The following NAALADL2 variants were observed in gnomAD, a reference collection of about 807,000 sequenced individuals.
The protein encoded by NAALADL2 is N-acetylated alpha-linked acidic dipeptidase like 2.
NAALADL2 carries 76 observed loss-of-function variants against 87.2 expected under a neutral mutation model. The observed-to-expected ratio is 0.87, with a 90% CI of 0.72 to 1.05. NAALADL2 has a LOEUF of 1.05. Ranked by LOEUF, NAALADL2 falls within the 50% of genes least tolerant of loss-of-function variation. The pLI, the probability that NAALADL2 is intolerant of heterozygous loss-of-function variation, is 0.00. For missense variants in NAALADL2, 1,089 were observed against 945.8 expected (o/e 1.15, Z -1.99); for synonymous variants, 354 against 331.0 (o/e 1.07, Z -0.75).
chr3:175,211,706 A>G (rs73043302), intron 2 of NAALADL2, among the ~76,000 whole-genome samples: 27 of 152,138 alleles, frequency 1.8e-4, no homozygotes, highest in African/African-American at 6.3e-4. Flanking sequence ...GTGTTTAAAT[A>G]TATGGGACTT....
chr3:175,228,831 T>C (rs1240694106), intron 2 of NAALADL2, among the ~76,000 whole-genome samples: 1 of 151,868 alleles, frequency 6.6e-6, no homozygotes, highest in East Asian at 1.9e-4. Flanking sequence ...AAATCAGAAG[T>C]GATAGTTGAA....
intron 1 of NAALADL2, among the ~76,000 whole-genome samples, chr3:174,874,844 A>G (rs564139046): frequency 1.3e-5 from 2 of 152,158 alleles, no homozygotes; most frequent in Admixed American, 6.6e-5. Flanking sequence ...AATTCATGAT[A>G]GATGCTCACA....
chr3:174,594,268 T>A (rs1420377755), intron 2 of NAALADL2, among the ~76,000 whole-genome samples: 2 of 152,142 alleles, frequency 1.3e-5, no homozygotes, highest in Non-Finnish European at 2.9e-5. Context: ...GGTGAAGTGG[T>A]TGGAACATGG....
At chr3:175,617,458 C>T (rs763048696) in intron 10 of NAALADL2, among the ~76,000 whole-genome samples, 1 of 152,194 alleles carries the variant, frequency 6.6e-6, no homozygotes, top group South Asian at 2.1e-4. Flanking sequence ...GTGGAGGCGG[C>T]TTCCTCATGC....
rs150869125 is a variant in NAALADL2, at chr3:175,317,548, T to A, written c.940-6627T>A. Among the ~76,000 whole-genome samples the A allele has an allele frequency of 3.9e-5, 6 of 152,118 alleles. No homozygotes were observed. The East Asian group carries it at 1.2e-3, about 30-fold the overall frequency. ...TGGTAAACTGAACTTCCTTAGATGT[T>A]CACAGACCTTGTCCTACTTCTCTCC... On this transcript the variant is annotated intron_variant, in intron 4 of 13. Coordinates refer to ENST00000454872, the MANE Select transcript of NAALADL2 (RefSeq NM_207015.3).
intron 2 of NAALADL2, among the ~76,000 whole-genome samples, chr3:175,211,155 G>T (rs554839034): frequency 6.6e-6 from 1 of 151,846 alleles, no homozygotes; most frequent in South Asian, 2.1e-4. Context: ...ATGAGAGAAG[G>T]TGGGGGCATT....
chr3:175,617,252 A>G (rs901081481), intron 10 of NAALADL2, among the ~76,000 whole-genome samples: 1 of 152,184 alleles, frequency 6.6e-6, no homozygotes, highest in African/African-American at 2.4e-5. Flanking sequence ...GAGGAAGTCC[A>G]CCTTCCTTCC....
intron 1 of NAALADL2, among the ~76,000 whole-genome samples, chr3:174,464,756 A>T (rs1716419358): frequency 6.6e-6 from 1 of 152,002 alleles, no homozygotes; most frequent in South Asian, 2.1e-4. Flanking sequence ...TTTATATTTT[A>T]TTAGATTAAA....
intron 5 of NAALADL2, among the ~76,000 whole-genome samples, chr3:175,383,172 TTG>T (rs1441705519): frequency 1.3e-5 from 2 of 152,168 alleles, no homozygotes; most frequent in East Asian, 3.9e-4. Flanking sequence ...TATCATTCCT[TTG>T]TGTTAGGAGG....
Position 175,154,277 on chromosome 3 carries a change from G to A in NAALADL2, c.545+56986G>A, listed in dbSNP as rs183318003. 2.6e-5 allele frequency among the ~76,000 whole-genome samples: 4 copies of A among 152,066 alleles called. No homozygotes were observed. In the East Asian group the frequency reaches 7.7e-4, roughly 29 times the overall value. On this transcript the variant is annotated intron_variant, in intron 2 of 13. Coordinates refer to ENST00000454872, the MANE Select transcript of NAALADL2 (RefSeq NM_207015.3). ...ATCATTTCTGTTGCATTATCCTACT[G>A]GACTATGAAGATTGAGCCGATTAAT... is the stretch of plus-strand genomic sequence containing the variant.
At chr3:174,897,605 T>G (rs1033317246) in intron 1 of NAALADL2, among the ~76,000 whole-genome samples, 14 of 152,192 alleles carry the variant, frequency 9.2e-5, no homozygotes, top group Non-Finnish European at 1.5e-5. Flanking sequence ...GAGAACAGTT[T>G]GGAGGTTCCT....
At chr3:175,266,392 A>C (rs1368628968) in intron 4 of NAALADL2, among the ~76,000 whole-genome samples, 4 of 151,590 alleles carry the variant, frequency 2.6e-5, no homozygotes, top group African/African-American at 9.7e-5. Context: ...ATAATCTAGA[A>C]ATATACATAG....
At chr3:175,199,593 G>A (rs1373529324) in intron 2 of NAALADL2, among the ~76,000 whole-genome samples, 1 of 151,508 alleles carries the variant, frequency 6.6e-6, no homozygotes, top group Non-Finnish European at 1.5e-5. Context: ...TTACGTGAAT[G>A]ACTGGATGAA....
intron 4 of NAALADL2, among the ~76,000 whole-genome samples, chr3:175,270,680 T>C (rs2110003633): frequency 6.6e-6 from 1 of 152,324 alleles, no homozygotes. Context: ...TTCATAAGAA[T>C]CGTCTTAGGG....
At chr3:174,854,194 T>C (rs1208595716) in intron 3 of NAALADL2, among the ~76,000 whole-genome samples, 1 of 152,200 alleles carries the variant, frequency 6.6e-6, no homozygotes, top group Non-Finnish European at 1.5e-5. Flanking sequence ...AGAGTATTAT[T>C]CAACCATAAA....
At chr3:175,628,609 C>CTATGTGTG (rs10663163) in intron 11 of NAALADL2, among the ~76,000 whole-genome samples, 4 of 132,238 alleles carry the variant, frequency 3.0e-5, no homozygotes, top group African/African-American at 8.7e-5. Context: ...AATAATCTCT[C>CTATGTGTG]TCTCTATGTA....
chr3:174,783,045 C>A (rs988811680), intron 3 of NAALADL2, among the ~76,000 whole-genome samples: 2 of 152,064 alleles, frequency 1.3e-5, no homozygotes, highest in African/African-American at 4.8e-5. Context: ...TAGGTTGCAT[C>A]CATATTCCAT....
At chr3:174,535,218 G>T (rs1303526621) in intron 1 of NAALADL2, among the ~76,000 whole-genome samples, 1 of 152,114 alleles carries the variant, frequency 6.6e-6, no homozygotes, top group Non-Finnish European at 1.5e-5. Flanking sequence ...GACTGAAATG[G>T]TGCTCACTGC....
At chr3:174,876,399 C>T (rs1437288865) in intron 1 of NAALADL2, among the ~76,000 whole-genome samples, 1 of 152,026 alleles carries the variant, frequency 6.6e-6, no homozygotes, top group Non-Finnish European at 1.5e-5. Flanking sequence ...CCCCTCTGTC[C>T]CTCCCACCAC....
Sources: allele counts gnomAD v4.1 joint callset (sites outside exome capture counted in the v4.1 genomes callset), GRCh38; gene constraint gnomAD v4.1.1; transcripts MANE v1.5; gene names NCBI Gene and HGNC (gene_info 2026-07-23, HGNC 2026-07-21).